The following CCDC134 variants were observed in gnomAD, a reference collection of about 807,000 sequenced individuals.
CCDC134 encodes the protein coiled-coil domain containing 134, also known as coiled-coil domain-containing protein 134.
CCDC134 carries 27 observed loss-of-function variants against 25.6 expected under a neutral mutation model. The ratio of observed to expected loss-of-function variants is 1.05; its 90% CI spans 0.78 to 1.45. The LOEUF is 1.45. Ranked by LOEUF, CCDC134 falls within the 40% of genes most tolerant of loss-of-function variation. CCDC134 has a pLI of 0.00. For missense variants in CCDC134, 261 were observed against 286.7 expected (o/e 0.91, Z 0.65); for synonymous variants, 110 against 115.0 (o/e 0.96, Z 0.28).
chr22:41,807,313 A>G (rs1291178578), intron 1 of CCDC134, among the ~76,000 whole-genome samples: 1 of 152,230 alleles, frequency 6.6e-6, no homozygotes. Flanking sequence ...CCTGTATCCC[A>G]GTACTTTGGG....
intron 6 of CCDC134, among the ~76,000 whole-genome samples, chr22:41,819,999 A>ATATATATATATAT (rs1491457516): frequency 8.4e-4 from 92 of 108,924 alleles, no homozygotes; most frequent in African/African-American, 1.9e-3. Flanking sequence ...ATATATATAT[A>ATATATATATATAT]ATTTTTTTTT....
At chr22:41,807,488 G>T (rs769096763) in intron 1 of CCDC134, among the ~76,000 whole-genome samples, 1 of 151,930 alleles carries the variant, frequency 6.6e-6, no homozygotes, top group Non-Finnish European at 1.5e-5. Context: ...CTTGAGCCTG[G>T]GAAGTGGAGG....
rs1342699880 is a variant in CCDC134 at position 41,825,470 on chromosome 22, C to G, written c.565-228C>G. Among the ~76,000 whole-genome samples the G allele has an allele frequency of 6.6e-6, 1 of 152,136 alleles. No homozygotes were observed. The highest frequency in any genetic ancestry group is 2.4e-5 in the African/African-American group (1 of 41,400). ...TAGGTTCCCACCTCAGCATCCGTCC[C>G]TCCACCTAGAATACCCTTCCCTTTC... On this transcript the variant is annotated intron_variant, in intron 6 of 6. Coordinates refer to ENST00000255784, the MANE Select transcript of CCDC134 (RefSeq NM_024821.5). The surrounding 1 kb of genome is among the most constrained non-coding windows in gnomAD (Gnocchi z 4.4).
chr22:41,809,091 G>A (rs747886800), intron 2 of CCDC134, 98 bp downstream of exon 2: 53 of 983,450 alleles, frequency 5.4e-5, no homozygotes, highest in African/African-American at 2.0e-4. Flanking sequence ...CCCAGCTGGC[G>A]GGAACAGGGA....
chr22:41,806,141 A>G lies in CCDC134; in HGVS notation c.-16-2734A>G, dbSNP rs1017165171. Among the ~76,000 whole-genome samples, 5 of 151,822 alleles carry G rather than the reference A, an allele frequency of 3.3e-5. No homozygotes were observed. The East Asian group carries it at 9.7e-4, about 29-fold the overall frequency. The stretch of plus-strand genomic sequence containing the variant: ...TGAATCTGATTGCAAATGCTCTTAG[A>G]GAAGAATCAGAACCACAGATGACAA... On this transcript the variant is annotated intron_variant, in intron 1 of 6. Transcript: ENST00000255784.
At chr22:41,814,449 C>T (rs1440584080) in intron 6 of CCDC134, among the ~76,000 whole-genome samples, 2 of 152,078 alleles carry the variant, frequency 1.3e-5, no homozygotes, top group African/African-American at 4.8e-5. Flanking sequence ...TGCCTGTAAT[C>T]CTAGCTATTC....
intron 6 of CCDC134, among the ~76,000 whole-genome samples, chr22:41,818,937 G>A (rs978826060): frequency 6.6e-6 from 1 of 152,196 alleles, no homozygotes. Flanking sequence ...TCACTTAAAC[G>A]CAGGAGGAGG....
At chr22:41,819,999 A>ATATATATATAT (rs1491457516) in intron 6 of CCDC134, among the ~76,000 whole-genome samples, 90 of 108,924 alleles carry the variant, frequency 8.3e-4, no homozygotes, top group East Asian at 4.4e-3. Context: ...ATATATATAT[A>ATATATATATAT]ATTTTTTTTT....
Position 41,829,975 on chromosome 22 carries a change from A to G in CCDC134, c.*4152A>G, listed in dbSNP as rs1236393666. ...TTTCAGTAGAGATGGGTTTCACCAT[A>G]TTGGCCAGGATGGTCTCGATCTCTT... is the stretch of plus-strand genomic sequence containing the variant. On this transcript the variant is annotated 3_prime_UTR_variant, in exon 7 of 7. Transcript: ENST00000255784. Among the ~76,000 whole-genome samples, 3 of 152,008 alleles carry G rather than the reference A, an allele frequency of 2.0e-5. No homozygotes were observed. The highest frequency in any genetic ancestry group is 4.4e-5 in the Non-Finnish European group (3 of 67,986).
chr22:41,808,573 G>A (rs1602236063), intron 1 of CCDC134, among the ~76,000 whole-genome samples: 1 of 152,212 alleles, frequency 6.6e-6, no homozygotes, highest in African/African-American at 2.4e-5. Context: ...CAAGCTGCTC[G>A]AGGTCCCAGA....
chr22:41,804,703 C>G (rs547323712), intron 1 of CCDC134, among the ~76,000 whole-genome samples: 9 of 152,276 alleles, frequency 5.9e-5, no homozygotes, highest in Admixed American at 2.6e-4. Flanking sequence ...GGCAGGCTTT[C>G]TATGTACATT....
chr22:41,826,467 T>C lies in CCDC134; in HGVS notation c.*644T>C, dbSNP rs545696252. 3.7e-4 allele frequency among the ~76,000 whole-genome samples: 57 copies of C among 152,186 alleles called. No homozygotes were observed. The South Asian group carries it at 4.8e-3, about 13-fold the overall frequency. ...CTACGCCATCACTGCCCTTGACAAA[T>C]GATTGGTGTTGGGAAAGGACCTGGA... On this transcript the variant is annotated 3_prime_UTR_variant, in exon 7 of 7. Coordinates refer to ENST00000255784, the MANE Select transcript of CCDC134 (RefSeq NM_024821.5).
chr22:41,803,000 G>C (rs921256875), intron 1 of CCDC134, among the ~76,000 whole-genome samples: 7 of 152,136 alleles, frequency 4.6e-5, no homozygotes, highest in Non-Finnish European at 7.3e-5. Flanking sequence ...TGTAATCCCA[G>C]CTACTAGGGA....
intron 3 of CCDC134, 86 bp from the exon 4 acceptor site, chr22:41,810,121 C>T (rs2148308716): frequency 1.3e-6 from 2 of 1,591,272 alleles, no homozygotes; most frequent in African/African-American, 1.3e-5. Context: ...ACACGTAAGA[C>T]TTGAAGTGGG....
rs1439021166 is a variant in CCDC134, at chr22:41,813,340, C to T, written c.387C>T (p.Tyr129=). 1 of 1,614,220 alleles carries T rather than the reference C, an allele frequency of 6.2e-7. No individual in the cohort carries two copies. The highest frequency in any genetic ancestry group is 1.1e-5 in the South Asian group (1 of 91,088). ...GCTTCCCGAGGATTGTGCACTATTA[C>T]TTTGACCACAACTCCAACTGGAACC... ...VLRFPRIVHY[Y]FDHNSNWNLL... is the part of the protein sequence containing the mutation. Residue 129 remains tyrosine (Y), a synonymous_variant, in exon 5 of 7, where the codon TAC becomes TAT. Coordinates refer to ENST00000255784, the MANE Select transcript of CCDC134 (RefSeq NM_024821.5).
chr22:41,803,473 A>G (rs1433121654), intron 1 of CCDC134, among the ~76,000 whole-genome samples: 5 of 152,228 alleles, frequency 3.3e-5, no homozygotes, highest in Non-Finnish European at 7.3e-5. Context: ...TATAAAGTTT[A>G]AAAAGAAAAT....
rs2076699286 is a variant in CCDC134 at position 41,830,281 on chromosome 22, T to C, written c.*4458T>C. 6.6e-6 allele frequency among the ~76,000 whole-genome samples: 1 copy of C among 152,258 alleles called. No individual in the cohort carries two copies. Among genetic ancestry groups the C allele is most frequent in the Admixed American group, 6.5e-5 (1 of 15,290 alleles). ...GCCACCCTTCTTCCACCATTTCTACTGAGCCTTCAGTTGTACCCCTTCAGT... is the reference window on the plus strand; with the variant it reads ...GCCACCCTTCTTCCACCATTTCTACCGAGCCTTCAGTTGTACCCCTTCAGT... On this transcript the variant is annotated 3_prime_UTR_variant, in exon 7 of 7. Transcript: ENST00000255784.
At chr22:41,811,849 A>G (rs1274240190) in intron 4 of CCDC134, among the ~76,000 whole-genome samples, 1 of 152,152 alleles carries the variant, frequency 6.6e-6, no homozygotes, top group East Asian at 1.9e-4. Context: ...TTGAGGGGTT[A>G]TCTATGCTAC....
intron 6 of CCDC134, among the ~76,000 whole-genome samples, chr22:41,814,282 C>G (rs948462194): frequency 3.3e-5 from 5 of 152,036 alleles, no homozygotes; most frequent in African/African-American, 1.2e-4. Context: ...AAGATGAGGA[C>G]AGGCCGGGCA....
Sources: allele counts gnomAD v4.1 joint callset (sites outside exome capture counted in the v4.1 genomes callset), GRCh38; gene constraint gnomAD v4.1.1; non-coding constraint Gnocchi (gnomAD v3.1); transcripts MANE v1.5; gene names NCBI Gene and HGNC (gene_info 2026-07-23, HGNC 2026-07-21).